RCAN2: variants seen among roughly 807,000 people sequenced by gnomAD.
RCAN2 encodes the protein regulator of calcineurin 2, also known as calcipressin-2.
A neutral mutation model predicts 23.6 loss-of-function variants in RCAN2; 9 were observed. The observed-to-expected ratio is 0.38, with a 90% CI of 0.23 to 0.67. The LOEUF (loss-of-function observed/expected upper bound fraction) is 0.67, where lower values mean the gene tolerates loss of function less well. Ranked by LOEUF, RCAN2 falls within the 30% of genes least tolerant of loss-of-function variation. RCAN2 has a pLI of 0.51. For synonymous variants in RCAN2, 109 were observed against 115.7 expected (o/e 0.94, Z 0.37); for missense variants, 273 against 302.3 (o/e 0.90, Z 0.72).
chr6:46,331,182 C>T (rs536602766), intron 2 of RCAN2, among the ~76,000 whole-genome samples: 1 of 152,130 alleles, frequency 6.6e-6, no homozygotes, highest in Non-Finnish European at 1.5e-5. Context: ...GCTTCTTTTC[C>T]TTTATTAATT....
intron 1 of RCAN2, among the ~76,000 whole-genome samples, chr6:46,472,214 G>A (rs1278682407): frequency 3.3e-5 from 5 of 152,108 alleles, no homozygotes; most frequent in Admixed American, 1.3e-4. Context: ...GGGCCAGCTT[G>A]GGGATCTGGT....
intron 2 of RCAN2, among the ~76,000 whole-genome samples, chr6:46,403,596 C>T (rs968627001): frequency 2.0e-5 from 3 of 149,498 alleles, no homozygotes; most frequent in African/African-American, 7.3e-5. Context: ...AAAAATTCTG[C>T]AAGCCAGAGA....
intron 2 of RCAN2, among the ~76,000 whole-genome samples, chr6:46,302,167 G>T (rs766563322): frequency 6.6e-6 from 1 of 152,026 alleles, no homozygotes; most frequent in Non-Finnish European, 1.5e-5. Flanking sequence ...GAGAGTATGG[G>T]AAAGAAAACA....
intron 2 of RCAN2, among the ~76,000 whole-genome samples, chr6:46,328,507 G>A (rs900266192): frequency 6.6e-6 from 1 of 152,174 alleles, no homozygotes; most frequent in South Asian, 2.1e-4. Flanking sequence ...AACTTATTGG[G>A]TTTTTAATAG....
In RCAN2 at chr6:46,221,626, A is replaced by T. The variant is rs985721831; in HGVS notation, c.*1515T>A. On this transcript the variant is annotated 3_prime_UTR_variant, in exon 5 of 5. Transcript: ENST00000371374. ...AACGGACTTTAATTTCTGAGTGATC[A>T]GTCTATGTTTTAAGTTTCTGATGAA... is the stretch of plus-strand genomic sequence containing the variant. The T allele has an allele frequency of 6.8e-6, 2 of 292,948 alleles. No homozygotes were observed. Among genetic ancestry groups the T allele is most frequent in the Non-Finnish European group, 6.3e-6 (1 of 159,444 alleles). 18.1% of individuals were successfully genotyped at this position (292,948 alleles called of 1,614,324 possible).
chr6:46,372,064 C>T (rs1765336435), intron 2 of RCAN2, among the ~76,000 whole-genome samples: 1 of 152,106 alleles, frequency 6.6e-6, no homozygotes, highest in Non-Finnish European at 1.5e-5. Context: ...GACAGAGACC[C>T]CTTTGGACTC....
chr6:46,346,267 A>G (rs1404943273), intron 2 of RCAN2, among the ~76,000 whole-genome samples: 6 of 152,156 alleles, frequency 3.9e-5, no homozygotes, highest in Non-Finnish European at 8.8e-5. Context: ...TCAAATCTCT[A>G]TAGTGAAAAG....
intron 2 of RCAN2, among the ~76,000 whole-genome samples, chr6:46,304,313 T>C (rs1762999330): frequency 6.6e-6 from 1 of 152,188 alleles, no homozygotes; most frequent in African/African-American, 2.4e-5. Context: ...TTATATATTC[T>C]GGAAATAGGT....
chr6:46,282,826 T>A (rs542590877), intron 2 of RCAN2, among the ~76,000 whole-genome samples: 5 of 152,300 alleles, frequency 3.3e-5, no homozygotes, highest in Non-Finnish European at 7.4e-5. Context: ...AAAAGCCAAT[T>A]CCAGAGGCAA....
At chr6:46,439,036 C>T (rs1767452738) in intron 2 of RCAN2, among the ~76,000 whole-genome samples, 1 of 152,074 alleles carries the variant, frequency 6.6e-6, no homozygotes, top group Non-Finnish European at 1.5e-5. Context: ...GGGTTATGTT[C>T]ATTAAAAAGA....
chr6:46,325,881 T>C lies in RCAN2; in HGVS notation c.226-76985A>G, dbSNP rs9296489. The C allele has an allele frequency of 1.9e-3, 1,832 of 985,308 alleles. 23 individuals carry two copies. In the African/African-American group the frequency reaches 0.027, roughly 14 times the overall value. The allele number at this position is 985,308 out of a possible 1,614,324, so 61.0% of individuals were successfully genotyped here. On this transcript the variant is annotated intron_variant, in intron 2 of 4. Transcript: ENST00000371374. ...AGCTGTTGTTGCAGCCGAGTGCTTATGTTTGCAAAAAGCAGGAGGGGGTGA... is the reference window on the plus strand; with the variant it reads ...AGCTGTTGTTGCAGCCGAGTGCTTACGTTTGCAAAAAGCAGGAGGGGGTGA...
At chr6:46,460,677 T>C (rs111471905) in intron 1 of RCAN2, among the ~76,000 whole-genome samples, 101 of 152,336 alleles carry the variant, frequency 6.6e-4, no homozygotes, top group Non-Finnish European at 1.1e-3. Context: ...TCCAGATTGG[T>C]ATTTCTTGAA....
chr6:46,379,777 A>C (rs1350866997), intron 2 of RCAN2, among the ~76,000 whole-genome samples: 1 of 152,182 alleles, frequency 6.6e-6, no homozygotes, highest in Non-Finnish European at 1.5e-5. Context: ...AGTGTGGTTA[A>C]GGGTGTGAAT....
intron 2 of RCAN2, among the ~76,000 whole-genome samples, chr6:46,256,507 G>T (rs1368842047): frequency 1.3e-5 from 2 of 152,108 alleles, no homozygotes; most frequent in Non-Finnish European, 2.9e-5. Flanking sequence ...GAAATAAAAT[G>T]ATTATATAGT....
chr6:46,445,711 C>T lies in RCAN2; in HGVS notation c.225+11041G>A, dbSNP rs138908317. Among the ~76,000 whole-genome samples the T allele has an allele frequency of 2.2e-3, 332 of 151,866 alleles. 9 individuals carry two copies. Among genetic ancestry groups the T allele is most frequent in the Admixed American group, 0.018 (282 of 15,262 alleles). On this transcript the variant is annotated intron_variant, in intron 2 of 4. Coordinates refer to ENST00000371374, the MANE Select transcript of RCAN2 (RefSeq NM_001251974.2). ...AACAAAATTAAAGAACAATAAGCAACCAAAATACGAGATGTTGAATTATTA... is the reference window on the plus strand; with the variant it reads ...AACAAAATTAAAGAACAATAAGCAATCAAAATACGAGATGTTGAATTATTA...
chr6:46,441,393 C>T (rs1489335994), intron 2 of RCAN2, among the ~76,000 whole-genome samples: 3 of 152,092 alleles, frequency 2.0e-5, no homozygotes, highest in Admixed American at 6.5e-5. Context: ...CTGGGACACC[C>T]GAAGAATGAG....
At chr6:46,379,036 A>G (rs1765552851) in intron 2 of RCAN2, among the ~76,000 whole-genome samples, 1 of 152,218 alleles carries the variant, frequency 6.6e-6, no homozygotes, top group African/African-American at 2.4e-5. Flanking sequence ...ATGAGGACAC[A>G]AGAAGCTTTT....
At chr6:46,348,622 C>A (rs1764559352) in intron 2 of RCAN2, among the ~76,000 whole-genome samples, 1 of 152,156 alleles carries the variant, frequency 6.6e-6, no homozygotes, top group African/African-American at 2.4e-5. Context: ...GCTTGGTGAA[C>A]TTTGTGAGTT....
intron 2 of RCAN2, among the ~76,000 whole-genome samples, chr6:46,276,123 T>C (rs1265744544): frequency 6.6e-6 from 1 of 152,076 alleles, no homozygotes; most frequent in East Asian, 1.9e-4. Context: ...GAAGAATCAC[T>C]TGAACCTAGG....
Sources: allele counts gnomAD v4.1 joint callset (sites outside exome capture counted in the v4.1 genomes callset), GRCh38; gene constraint gnomAD v4.1.1; transcripts MANE v1.5; gene names NCBI Gene and HGNC (gene_info 2026-07-23, HGNC 2026-07-21).